MLIP: variants seen among roughly 807,000 people sequenced by gnomAD.
MLIP encodes muscular LMNA interacting protein, also known as muscular LMNA-interacting protein.
Under a neutral mutation model 84.8 loss-of-function variants are expected in MLIP, and 79 were observed. That is an observed-to-expected ratio of 0.93 (90% CI 0.78 to 1.12). MLIP has a LOEUF of 1.12. Ranked by LOEUF, MLIP falls within the 50% of genes most tolerant of loss-of-function variation. The pLI is 0.00. For synonymous variants in MLIP, 504 were observed against 463.0 expected, an observed-to-expected ratio of 1.09 and a Z score of -1.14; for missense variants, 1,257 against 1,160.6, an observed-to-expected ratio of 1.08 and a Z score of -1.21.
intron 1 of MLIP, among the ~76,000 whole-genome samples, chr6:54,043,946 G>C (rs1764890230): frequency 2.0e-5 from 3 of 152,136 alleles, no homozygotes; most frequent in Non-Finnish European, 4.4e-5. Flanking sequence ...TGACTGGAGT[G>C]GGGTGTTGGC....
At chr6:54,064,224 A>AT (rs1234135246) in intron 1 of MLIP, among the ~76,000 whole-genome samples, 2 of 99,814 alleles carry the variant, frequency 2.0e-5, no homozygotes, top group African/African-American at 5.1e-5. Context: ...GTACACGTTT[A>AT]TTTGTCACCT....
Position 54,073,967 on chromosome 6 carries a change from G to A in MLIP, c.64-47480G>A, listed in dbSNP as rs532146738. Among the ~76,000 whole-genome samples, 13 of 152,162 alleles carry A rather than the reference G, an allele frequency of 8.5e-5. No individual in the cohort carries two copies. In the South Asian group the frequency reaches 2.7e-3, roughly 32 times the overall value. ...TAAAAAATTCTTGCAAGCAGCAATG[G>A]GCTAGTATTCATGAATTAACATTTT... On this transcript the variant is annotated intron_variant, in intron 1 of 12. Transcript: ENST00000274897.
At chr6:54,187,201 C>A (rs1343192946) in intron 9 of MLIP, among the ~76,000 whole-genome samples, 2 of 152,122 alleles carry the variant, frequency 1.3e-5, no homozygotes, top group African/African-American at 4.8e-5. Flanking sequence ...GGTCCAGAAC[C>A]TGTGCAACTC....
intron 1 of MLIP, among the ~76,000 whole-genome samples, chr6:54,037,841 G>T (rs1352542201): frequency 6.6e-6 from 1 of 151,926 alleles, no homozygotes; most frequent in Non-Finnish European, 1.5e-5. Context: ...TTCCAGTTCT[G>T]ATGCCCTCCA....
At chr6:54,146,634 G>A (rs1277386792) in intron 4 of MLIP, among the ~76,000 whole-genome samples, 1 of 152,170 alleles carries the variant, frequency 6.6e-6, no homozygotes, top group African/African-American at 2.4e-5. Flanking sequence ...GTGTTCATTT[G>A]GCTACTAAAC....
At chr6:54,170,409 G>C (rs1775652254) in intron 9 of MLIP, among the ~76,000 whole-genome samples, 1 of 151,614 alleles carries the variant, frequency 6.6e-6, no homozygotes, top group Non-Finnish European at 1.5e-5. Flanking sequence ...CCCAAGGCAA[G>C]TAATAAACTG....
At chr6:54,057,441 C>T (rs1765725158) in intron 1 of MLIP, among the ~76,000 whole-genome samples, 1 of 152,172 alleles carries the variant, frequency 6.6e-6, no homozygotes, top group Non-Finnish European at 1.5e-5. Context: ...AATTTTGTTA[C>T]ATTCTTTTGT....
At chr6:54,155,678 A>G (rs74354240) in intron 5 of MLIP, among the ~76,000 whole-genome samples, 1,922 of 152,204 alleles carry the variant, frequency 0.013, 40 homozygotes, top group African/African-American at 0.043. Context: ...AATACCCATT[A>G]CAGTTTATTG....
intron 1 of MLIP, among the ~76,000 whole-genome samples, chr6:54,078,048 C>T (rs1020911671): frequency 6.6e-6 from 1 of 152,068 alleles, no homozygotes; most frequent in African/African-American, 2.4e-5. Flanking sequence ...GGTTGTATGC[C>T]CACAAGACTT....
chr6:54,221,821 G>A (rs540797459), intron 11 of MLIP, among the ~76,000 whole-genome samples: 1 of 152,036 alleles, frequency 6.6e-6, no homozygotes, highest in Non-Finnish European at 1.5e-5. Flanking sequence ...TTTAATATCT[G>A]TGGAACTCTC....
At chr6:54,110,022 G>A (rs544138339), upstream of MLIP, among the ~76,000 whole-genome samples, 56 of 110,836 alleles carry the variant, frequency 5.1e-4, no homozygotes, top group South Asian at 0.016. Flanking sequence ...TCGCTGTGTC[G>A]CCCAGGCTGT....
intron 12 of MLIP, among the ~76,000 whole-genome samples, chr6:54,251,214 G>A (rs1012949689): frequency 3.3e-5 from 5 of 151,578 alleles, no homozygotes; most frequent in African/African-American, 1.2e-4. Flanking sequence ...TTTATACAAA[G>A]ATATTGGCAA....
At chr6:54,083,672 T>A in intron 1 of MLIP, 1 of 1,513,472 alleles carries the variant, frequency 6.6e-7, no homozygotes, top group Non-Finnish European at 8.9e-7. Context: ...CTGTTATACA[T>A]TTAACATCAA....
chr6:54,038,649 G>T (rs188734254), intron 1 of MLIP, among the ~76,000 whole-genome samples: 1 of 151,836 alleles, frequency 6.6e-6, no homozygotes, highest in East Asian at 1.9e-4. Context: ...GATCCTTGAA[G>T]TCCAAATGTC....
intron 2 of MLIP, among the ~76,000 whole-genome samples, chr6:54,122,970 C>T (rs1008195968): frequency 6.6e-6 from 1 of 150,412 alleles, no homozygotes; most frequent in Non-Finnish European, 1.5e-5. Context: ...CTCGCTCTGT[C>T]GCCCAGGCTA....
At chr6:54,186,716 G>T (rs1348251013) in intron 9 of MLIP, among the ~76,000 whole-genome samples, 1 of 152,102 alleles carries the variant, frequency 6.6e-6, no homozygotes, top group Non-Finnish European at 1.5e-5. Context: ...AGATCAGCAT[G>T]GGGGAACTGC....
At chr6:54,206,174 A>AT (rs1295353760) in intron 11 of MLIP, among the ~76,000 whole-genome samples, 6 of 152,158 alleles carry the variant, frequency 3.9e-5, no homozygotes, top group Admixed American at 6.5e-5. Context: ...TGATCATTTA[A>AT]TATGTGTAAT....
intron 12 of MLIP, among the ~76,000 whole-genome samples, chr6:54,239,623 CA>C (rs1231219276): frequency 3.9e-3 from 476 of 122,450 alleles, no homozygotes; most frequent in African/African-American, 7.5e-3. Context: ...ACTAAAAATA[CA>C]AAAAAAAAAA....
At chr6:54,213,896 A>T (rs1779668798) in intron 11 of MLIP, among the ~76,000 whole-genome samples, 1 of 152,066 alleles carries the variant, frequency 6.6e-6, no homozygotes, top group Non-Finnish European at 1.5e-5. Flanking sequence ...TTTACACCAA[A>T]ATAATAAAAC....
Sources: gnomAD v4.1 joint callset for allele counts (sites outside exome capture counted in the v4.1 genomes callset) on GRCh38, gnomAD v4.1.1 for gene constraint, MANE v1.5 for transcripts, NCBI Gene and HGNC (gene_info 2026-07-23, HGNC 2026-07-21) for gene names.